Variants in PSMD1 observed in about 807,000 individuals in gnomAD.
The protein encoded by PSMD1 is 26S proteasome non-ATPase regulatory subunit 1.
PSMD1 carries 18 observed loss-of-function variants against 119.0 expected under a neutral mutation model. That is an observed-to-expected ratio of 0.15 (90% CI 0.10 to 0.22). The LOEUF is 0.22. Among genes scored for constraint, PSMD1 ranks in the 10% least tolerant of loss-of-function variants. The pLI is 1.00. For synonymous variants in PSMD1, 374 were observed against 396.6 expected (o/e 0.94, Z 0.68); for missense variants, 702 against 1,158.5 (o/e 0.61, Z 5.72).
Position 231,166,942 on chromosome 2 carries a change from G to GT in PSMD1, c.2715+930dup, listed in dbSNP as rs772105141. ...TAGAGCTGGAATTTGGCATAACTGGGTTTTTATTTCTACTGTTAGCTGTGT... is the reference window on the plus strand; with the variant it reads ...TAGAGCTGGAATTTGGCATAACTGGGTTTTTTATTTCTACTGTTAGCTGTGT... On this transcript the variant is annotated intron_variant, in intron 23 of 24. Coordinates refer to ENST00000308696, the MANE Select transcript of PSMD1 (RefSeq NM_002807.4). Among the ~76,000 whole-genome samples, 18 of 152,238 alleles carry GT rather than the reference G, an allele frequency of 1.2e-4. No individual in the cohort carries two copies. The East Asian group carries it at 2.1e-3, about 18-fold the overall frequency.
intron 4 of PSMD1, among the ~76,000 whole-genome samples, chr2:231,065,712 CA>C (rs1480444065): frequency 2.0e-5 from 3 of 152,258 alleles, no homozygotes; most frequent in African/African-American, 7.2e-5. Context: ...AAATTGCAAA[CA>C]AATGTTTCTT....
chr2:231,166,044 A>G (rs1299499841), intron 23 of PSMD1, 27 bp downstream of exon 23: 6 of 1,577,772 alleles, frequency 3.8e-6, no homozygotes, highest in Non-Finnish European at 5.2e-6. Context: ...TCTTAGCTGT[A>G]TATACCAGTG....
intron 20 of PSMD1, among the ~76,000 whole-genome samples, chr2:231,162,656 A>C (rs1020080562): frequency 5.3e-5 from 8 of 152,034 alleles, no homozygotes; most frequent in African/African-American, 1.9e-4. Context: ...ATCAATGCAG[A>C]TTGGGTAAAT....
In PSMD1 at chr2:231,165,183, C is replaced by A; in HGVS notation, c.2482-17C>A. 1 of 1,589,508 alleles carries A rather than the reference C, an allele frequency of 6.3e-7. No individual in the cohort carries two copies. Among genetic ancestry groups the A allele is most frequent in the Non-Finnish European group, 8.6e-7 (1 of 1,165,610 alleles). On this transcript the variant is annotated splice_polypyrimidine_tract_variant and intron_variant, in intron 21 of 24. Coordinates refer to ENST00000308696, the MANE Select transcript of PSMD1 (RefSeq NM_002807.4). ...TCAGTAAGGGATTACAACAGTTTAC[C>A]CTGCTCATTTCCCCAGGTTTCTACT...
chr2:231,099,264 A>G (rs1471665077), intron 16 of PSMD1, among the ~76,000 whole-genome samples: 1 of 152,084 alleles, frequency 6.6e-6, no homozygotes, highest in Non-Finnish European at 1.5e-5. Flanking sequence ...TTTGTTTTTA[A>G]AGGAAAAAGG....
At chr2:231,089,861 AAGGGTGG>A (rs1377819612) in intron 16 of PSMD1, among the ~76,000 whole-genome samples, 3 of 152,168 alleles carry the variant, frequency 2.0e-5, no homozygotes, top group Non-Finnish European at 4.4e-5. Context: ...CACTCAGATT[AAGGGTGG>A]ATCTGCCTTC....
chr2:231,093,545 G>T (rs1694651763), intron 16 of PSMD1, among the ~76,000 whole-genome samples: 1 of 152,128 alleles, frequency 6.6e-6, no homozygotes, highest in Non-Finnish European at 1.5e-5. Context: ...AGGACCTGAG[G>T]GGGTGTGAAC....
At chr2:231,093,200 G>A (rs1190498513) in intron 16 of PSMD1, among the ~76,000 whole-genome samples, 1 of 152,224 alleles carries the variant, frequency 6.6e-6, no homozygotes, top group African/African-American at 2.4e-5. Flanking sequence ...AGATCTAAGA[G>A]ATGAGCCCAA....
intron 22 of PSMD1, 31 bp from the exon 23 acceptor site, chr2:231,165,840 T>C (rs1696766666): frequency 6.6e-7 from 1 of 1,513,564 alleles, no homozygotes; most frequent in African/African-American, 1.4e-5. Flanking sequence ...AATGAACTTC[T>C]GTTGAACTTT....
Position 231,056,948 on chromosome 2 carries a change from T to G in PSMD1, c.-78T>G. 1 of 1,529,298 alleles carries G rather than the reference T, an allele frequency of 6.5e-7. No individual in the cohort carries two copies. Among genetic ancestry groups the G allele is most frequent in the Non-Finnish European group, 8.8e-7 (1 of 1,137,700 alleles). The allele number at this position is 1,529,298 out of a possible 1,614,324, so 94.7% of individuals were successfully genotyped here. Reference sequence around the variant, plus strand: ...CGGGGAGCAAGGAGGCGCGGTGAACTGAGCGGCCCCTGAGCTGACAGATAC... The same window carrying G: ...CGGGGAGCAAGGAGGCGCGGTGAACGGAGCGGCCCCTGAGCTGACAGATAC... On this transcript the variant is annotated 5_prime_UTR_variant, in exon 1 of 25. Transcript: ENST00000308696.
intron 16 of PSMD1, among the ~76,000 whole-genome samples, chr2:231,094,610 G>A (rs972725726): frequency 1.3e-5 from 2 of 152,228 alleles, no homozygotes; most frequent in African/African-American, 2.4e-5. Flanking sequence ...CTGAGTGCTA[G>A]TAAATCCAGA....
chr2:231,163,597 T>C (rs570680395), intron 20 of PSMD1, 38 bp from the exon 21 acceptor site: 2 of 1,488,890 alleles, frequency 1.3e-6, no homozygotes, highest in East Asian at 4.5e-5. Context: ...GAGCACAGAG[T>C]ACTTAAAGCC....
intron 12 of PSMD1, among the ~76,000 whole-genome samples, chr2:231,081,695 T>C (rs1329561113): frequency 2.6e-5 from 4 of 152,178 alleles, no homozygotes; most frequent in African/African-American, 9.7e-5. Context: ...ACCAAAGGAA[T>C]GTTGGGATGC....
chr2:231,132,893 T>C (rs763188769), intron 16 of PSMD1, among the ~76,000 whole-genome samples: 7 of 152,192 alleles, frequency 4.6e-5, no homozygotes, highest in Admixed American at 1.3e-4. Context: ...TCTCTTGACT[T>C]GGCGGCAGAT....
At chr2:231,171,487 G>C (rs1696907891) in intron 24 of PSMD1, among the ~76,000 whole-genome samples, 1 of 151,230 alleles carries the variant, frequency 6.6e-6, no homozygotes, top group South Asian at 2.1e-4. Flanking sequence ...CATATTTGAA[G>C]ACATTGTGAG....
At chr2:231,092,802 T>C (rs1046624729) in intron 16 of PSMD1, among the ~76,000 whole-genome samples, 3 of 152,162 alleles carry the variant, frequency 2.0e-5, no homozygotes, top group Non-Finnish European at 2.9e-5. Context: ...GGAAGGAATG[T>C]TGGGGAAAGT....
intron 16 of PSMD1, among the ~76,000 whole-genome samples, chr2:231,099,205 T>G (rs1309882890): frequency 1.3e-5 from 2 of 152,214 alleles, no homozygotes; most frequent in African/African-American, 4.8e-5. Context: ...GCATGAGAGC[T>G]GGCTCCTCTG....
At chr2:231,129,030 C>A (rs1168682699) in intron 16 of PSMD1, among the ~76,000 whole-genome samples, 1 of 152,168 alleles carries the variant, frequency 6.6e-6, no homozygotes, top group Non-Finnish European at 1.5e-5. Flanking sequence ...AGTTGATGAT[C>A]ATAACCCAAA....
At chr2:231,066,495 G>A (rs565357445) in intron 4 of PSMD1, among the ~76,000 whole-genome samples, 5 of 152,096 alleles carry the variant, frequency 3.3e-5, no homozygotes, top group Non-Finnish European at 5.9e-5. Context: ...CAGCTTAATC[G>A]GGTAGAGTAA....
Sources: allele counts gnomAD v4.1 joint callset (sites outside exome capture counted in the v4.1 genomes callset), GRCh38; gene constraint gnomAD v4.1.1; transcripts MANE v1.5; gene names NCBI Gene and HGNC (gene_info 2026-07-23, HGNC 2026-07-21).